Variants in PTCD3 observed in about 807,000 individuals in gnomAD.
PTCD3 encodes pentatricopeptide repeat domain 3, also known as small ribosomal subunit protein mS39.
Under a neutral mutation model 101.9 loss-of-function variants are expected in PTCD3, and 89 were observed. The observed-to-expected ratio is 0.87, with a 90% CI of 0.74 to 1.04. PTCD3 has a LOEUF of 1.04. Among genes scored for constraint, PTCD3 ranks in the 50% least tolerant of loss-of-function variants. PTCD3 has a pLI of 0.00. For synonymous variants in PTCD3, 296 were observed against 278.5 expected (o/e 1.06, Z -0.63); for missense variants, 870 against 828.2 (o/e 1.05, Z -0.62).
chr2:86,137,039 G>A lies in PTCD3; in HGVS notation c.1878G>A (p.Gln626=), dbSNP rs1189251753. The stretch of plus-strand genomic sequence containing the variant: ...CAAAAGTGTCTAACAGCCCTTCCCA[G>A]GCCATTGAAGTAGTAGAGCTGGCAA... The part of the protein sequence containing the change: ...DSAKVSNSPS[Q]AIEVVELASA... Residue 626 remains glutamine, a synonymous_variant, in exon 23 of 24, where the codon CAG becomes CAA. Coordinates refer to ENST00000254630, the MANE Select transcript of PTCD3 (RefSeq NM_017952.6). The A allele has an allele frequency of 1.9e-6, 3 of 1,613,854 alleles. No homozygotes were observed. The East Asian group carries it at 6.7e-5, about 36-fold the overall frequency.
At chr2:86,125,124 T>C in intron 10 of PTCD3, 42 bp downstream of exon 10, 1 of 1,605,274 alleles carries the variant, frequency 6.2e-7, no homozygotes. Flanking sequence ...TTTCCACCGA[T>C]CAGGGTGTTT....
chr2:86,106,323 G>A lies in PTCD3; in HGVS notation c.76G>A (p.Gly26Ser), dbSNP rs1558791050. The A allele has an allele frequency of 6.2e-7, 1 of 1,614,040 alleles. No individual in the cohort carries two copies. The highest frequency in any genetic ancestry group is 8.5e-7 in the Non-Finnish European group (1 of 1,179,998). Residue 26 changes from glycine to serine, a missense_variant, in exon 1 of 24, where the codon GGT becomes AGT. Gly to Ser is a moderately conservative substitution (Grantham distance 56, BLOSUM62 0). Transcript: ENST00000254630. ...CCAGCCGCTGACGGGTCGGCGGGCG[G>A]GTTTGTGTGAACAGGCACGCAGCTG... ...LGQPLTGRRA[G>S]LCEQARSCRF...
At position 86,125,843 on chromosome 2, in the gene PTCD3, TAAATG is replaced by T; in HGVS notation, c.916_920del (p.Asn306GlufsTer3). 1 of 1,609,502 alleles carries T rather than the reference TAAATG, an allele frequency of 6.2e-7. No individual in the cohort carries two copies. Among genetic ancestry groups the T allele is most frequent in the South Asian group, 1.1e-5 (1 of 90,932 alleles). On this transcript the variant is annotated frameshift_variant, in exon 12 of 24. Transcript: ENST00000254630. LOFTEE classifies it high-confidence loss of function. ...TTGATTGAAGCAACAGTATGTGCGA[TAAATG>T]AGAAATTTGAGGAAAAATGGAGTAA...
At chr2:86,134,533 C>T (rs1035227312) in intron 20 of PTCD3, among the ~76,000 whole-genome samples, 156 bp downstream of exon 20, 1 of 152,184 alleles carries the variant, frequency 6.6e-6, no homozygotes, top group Non-Finnish European at 1.5e-5. Flanking sequence ...TAGCAGAAAT[C>T]TGTTCTTAAA....
chr2:86,110,429 T>C (rs1674056392), intron 3 of PTCD3, among the ~76,000 whole-genome samples: 1 of 152,266 alleles, frequency 6.6e-6, no homozygotes, highest in Non-Finnish European at 1.5e-5. Flanking sequence ...ATAATTCCCT[T>C]TTGGAAAGGA....
At chr2:86,108,829 A>G (rs949777757) in intron 3 of PTCD3, 6 of 306,620 alleles carry the variant, frequency 2.0e-5, no homozygotes, top group Admixed American at 9.8e-5. Context: ...CATCATCATT[A>G]GAATAATTTT....
chr2:86,132,622 GTTT>G (rs11333311), intron 17 of PTCD3, 198 bp downstream of exon 17: 8,171 of 215,636 alleles, frequency 0.038, no homozygotes, highest in Middle Eastern at 0.051. Flanking sequence ...TCCTTTAAGG[GTTT>G]TTTTTTTTTT....
In PTCD3 at chr2:86,141,116, A is replaced by G. The variant is rs781628328; in HGVS notation, c.*3557A>G. ...ACCCGTGGTGTCTGTTCCCACAACA[A>G]TGGCCCTTTCACAAGCTCTTGCCTC... On this transcript the variant is annotated 3_prime_UTR_variant, in exon 24 of 24. Transcript: ENST00000254630. 3 of 152,220 alleles carry G rather than the reference A, an allele frequency of 2.0e-5. No homozygotes were observed. Among genetic ancestry groups the G allele is most frequent in the Non-Finnish European group, 4.4e-5 (3 of 68,064 alleles). 9.4% of individuals were successfully genotyped at this position (152,220 alleles called of 1,614,324 possible). A position where few individuals can be genotyped will look rare whatever the true frequency, so the allele number is the denominator to read the frequency against.
intron 12 of PTCD3, among the ~76,000 whole-genome samples, 177 bp downstream of exon 12, chr2:86,126,057 C>G (rs1403436896): frequency 1.3e-5 from 2 of 151,872 alleles, no homozygotes; most frequent in Non-Finnish European, 2.9e-5. Flanking sequence ...TGGTGAAACC[C>G]GTCTCTACTA....
intron 11 of PTCD3, 116 bp from the exon 12 acceptor site, chr2:86,125,679 A>G: frequency 1.9e-6 from 2 of 1,049,550 alleles, no homozygotes; most frequent in Admixed American, 2.3e-5. Context: ...GTAGTTTTCC[A>G]GTTTTGTGGA....
In PTCD3 at chr2:86,142,112, T is replaced by G. The variant is rs1674699594; in HGVS notation, c.*4553T>G. ...ACTACTAAGATTCAGAAGCTTGTAG[T>G]CTTCATTATTTTGTTTTACAGGTTA... On this transcript the variant is annotated 3_prime_UTR_variant, in exon 24 of 24. Coordinates refer to ENST00000254630, the MANE Select transcript of PTCD3 (RefSeq NM_017952.6). The G allele has an allele frequency of 1.3e-5, 2 of 152,114 alleles. No homozygotes were observed. The highest frequency in any genetic ancestry group is 6.6e-5 in the Admixed American group (1 of 15,264). 9.4% of individuals were successfully genotyped at this position (152,114 alleles called of 1,614,324 possible). A position where few individuals can be genotyped will look rare whatever the true frequency, so the allele number is the denominator to read the frequency against.
intron 12 of PTCD3, among the ~76,000 whole-genome samples, chr2:86,126,644 G>T (rs898026043): frequency 6.6e-6 from 1 of 151,988 alleles, no homozygotes; most frequent in African/African-American, 2.4e-5. Flanking sequence ...TGACCAGCCT[G>T]ACTAACATGG....
chr2:86,127,988 C>G lies in PTCD3; in HGVS notation c.1144C>G (p.Pro382Ala), dbSNP rs750251126. 1.2e-6 allele frequency: 2 copies of G among 1,603,934 alleles called. No homozygotes were observed. The highest frequency in any genetic ancestry group is 1.7e-6 in the Non-Finnish European group (2 of 1,170,992). Residue 382 changes from proline to alanine, a missense_variant, in exon 14 of 24, where the codon CCT (proline) becomes GCT (alanine). Pro to Ala is a conservative substitution (Grantham distance 27). Coordinates refer to ENST00000254630, the MANE Select transcript of PTCD3 (RefSeq NM_017952.6). ...YHHIIRLFDQ[P>A]GDPLKRSSFI... ...CCATATTATTCGCCTGTTTGATCAA[C>G]CTGGTATGTATGGCCTTAAATTGTG...
chr2:86,108,575 G>A, intron 3 of PTCD3, 39 bp downstream of exon 3: 1 of 1,551,538 alleles, frequency 6.4e-7, no homozygotes, highest in Non-Finnish European at 8.7e-7. Context: ...AAATGGTTGA[G>A]TGCTTACTAT....
intron 7 of PTCD3, 95 bp downstream of exon 7, chr2:86,119,139 C>T: frequency 6.8e-7 from 1 of 1,464,550 alleles, no homozygotes; most frequent in East Asian, 2.3e-5. Context: ...GTTACAGGTC[C>T]TGCTGTACTT....
intron 8 of PTCD3, 140 bp downstream of exon 8, chr2:86,121,734 T>C (rs1406629915): frequency 5.2e-5 from 27 of 520,848 alleles, no homozygotes; most frequent in Non-Finnish European, 6.4e-5. Flanking sequence ...ATAGCCTTGA[T>C]AAAAAGTGGT....
intron 21 of PTCD3, among the ~76,000 whole-genome samples, chr2:86,135,467 G>A (rs1674568369): frequency 6.6e-6 from 1 of 152,196 alleles, no homozygotes; most frequent in African/African-American, 2.4e-5. Flanking sequence ...TCCTTGATTG[G>A]TGCCACTGTG....
rs376016106 is a variant in PTCD3, at chr2:86,117,082, G to A, written c.337G>A (p.Gly113Arg). The A allele has an allele frequency of 4.2e-6, 6 of 1,440,474 alleles. No homozygotes were observed. Among genetic ancestry groups the A allele is most frequent in the South Asian group, 2.3e-5 (2 of 87,176 alleles). The allele number at this position is 1,440,474 out of a possible 1,614,324, so 89.2% of individuals were successfully genotyped here. Residue 113 changes from glycine (G) to arginine (R), a missense_variant, in exon 6 of 24, where the codon GGG becomes AGG. By Grantham distance (125) the Gly-to-Arg change is moderately radical. Transcript: ENST00000254630. ...SRSFLLAKKS[G>R]ENVAKFIINS... ...TTCATTTTTACTGGCAAAGAAATCC[G>A]GGGAGAATGTGGCCAAGTTTATTAT...
At chr2:86,106,936 T>A (rs1673966242) in intron 1 of PTCD3, among the ~76,000 whole-genome samples, 1 of 152,218 alleles carries the variant, frequency 6.6e-6, no homozygotes, top group South Asian at 2.1e-4. Flanking sequence ...AGGCAGTAAT[T>A]TGTAGTGAAA....
Sources: gnomAD v4.1 joint callset for allele counts (sites outside exome capture counted in the v4.1 genomes callset) on GRCh38, gnomAD v4.1.1 for gene constraint, MANE v1.5 for transcripts, NCBI Gene and HGNC (gene_info 2026-07-23, HGNC 2026-07-21) for gene names.